DENND1B: variants seen among roughly 807,000 people sequenced by gnomAD.
DENND1B encodes DENN domain-containing protein 1B.
DENND1B carries 59 observed loss-of-function variants against 90.1 expected under a neutral mutation model. The ratio of observed to expected loss-of-function variants is 0.65; its 90% CI spans 0.53 to 0.81. The LOEUF (loss-of-function observed/expected upper bound fraction) is 0.81, where lower values mean the gene tolerates loss of function less well. Ranked by LOEUF, DENND1B falls within the 40% of genes least tolerant of loss-of-function variation. The pLI is 0.00. For missense variants in DENND1B, 862 were observed against 912.6 expected (o/e 0.94, Z 0.71); for synonymous variants, 337 against 324.6 (o/e 1.04, Z -0.41).
rs536732558 is a variant in DENND1B at position 197,551,304 on chromosome 1, T to G, written c.1240+1718A>C. On this transcript the variant is annotated intron_variant, in intron 16 of 22. Coordinates refer to ENST00000620048, the MANE Select transcript of DENND1B (RefSeq NM_001195215.2). ...TGACAGGCACAAATTTCTAACGGACTTTCTTGCTGTACTCACTGGAATTAA... is the reference window on the plus strand; with the variant it reads ...TGACAGGCACAAATTTCTAACGGACGTTCTTGCTGTACTCACTGGAATTAA... 2.0e-5 allele frequency among the ~76,000 whole-genome samples: 3 copies of G among 152,252 alleles called. No individual in the cohort carries two copies. The East Asian group carries it at 5.8e-4, about 29-fold the overall frequency.
intron 14 of DENND1B, among the ~76,000 whole-genome samples, chr1:197,584,794 C>T (rs1434016389): frequency 6.6e-6 from 1 of 152,112 alleles, no homozygotes; most frequent in East Asian, 1.9e-4. Context: ...ACCTCAGCCT[C>T]CCAAGTAGCT....
At chr1:197,606,074 A>G (rs1161621838) in intron 13 of DENND1B, 1 of 151,092 alleles carries the variant, frequency 6.6e-6, no homozygotes, top group Non-Finnish European at 1.5e-5. Context: ...GTTTTTTTAA[A>G]AAGGAAGTTA....
rs1571931879 is a variant in DENND1B at position 197,574,619 on chromosome 1, A to G, written c.1149+8533T>C. ...TAAAGTTCATATGGAACCAAAAAAGAGCGCGCATTGCCAAGACAATCCTAA... is the reference window on the plus strand; with the variant it reads ...TAAAGTTCATATGGAACCAAAAAAGGGCGCGCATTGCCAAGACAATCCTAA... On this transcript the variant is annotated intron_variant, in intron 15 of 22. Transcript: ENST00000620048. Among the ~76,000 whole-genome samples the G allele has an allele frequency of 2.0e-5, 3 of 152,340 alleles. No homozygotes were observed. The South Asian group carries it at 6.2e-4, about 32-fold the overall frequency.
At chr1:197,690,568 TG>T in intron 3 of DENND1B, 1 of 234,192 alleles carries the variant, frequency 4.3e-6, no homozygotes, top group South Asian at 7.2e-5. Context: ...TTCAAAGCAG[TG>T]GACAAGAGGG....
At chr1:197,753,107 GA>G (rs144392467) in intron 2 of DENND1B, among the ~76,000 whole-genome samples, 2,653 of 151,916 alleles carry the variant, frequency 0.017, 94 homozygotes, top group African/African-American at 0.059. Context: ...TCTGAATAAA[GA>G]ACATAAAACA....
At chr1:197,591,107 G>T (rs1675162010) in intron 14 of DENND1B, among the ~76,000 whole-genome samples, 1 of 152,070 alleles carries the variant, frequency 6.6e-6, no homozygotes, top group Non-Finnish European at 1.5e-5. Flanking sequence ...CATGGTGAAA[G>T]ACATGAAAAA....
intron 2 of DENND1B, among the ~76,000 whole-genome samples, chr1:197,754,898 C>A (rs762012268): frequency 6.6e-6 from 1 of 152,032 alleles, no homozygotes; most frequent in Non-Finnish European, 1.5e-5. Context: ...TTAGTCTCTT[C>A]ATGTTATTTT....
rs1316654146 is a variant in DENND1B, at chr1:197,734,981, CAGTGGATAAGTA to C, written c.83-19919_83-19908del. 1.2e-5 allele frequency: 12 copies of C among 985,238 alleles called. No individual in the cohort carries two copies. The African/African-American group carries it at 2.1e-4, about 17-fold the overall frequency. The allele number at this position is 985,238 out of a possible 1,614,324, so 61.0% of individuals were successfully genotyped here. On this transcript the variant is annotated intron_variant, in intron 2 of 22. Coordinates refer to ENST00000620048, the MANE Select transcript of DENND1B (RefSeq NM_001195215.2). The stretch of plus-strand genomic sequence containing the variant: ...TATTTAAATTAAAGACTCTGGAACA[CAGTGGATAAGTA>C]AGAACTGGCAGAAAATGTTAAATAT...
chr1:197,735,672 G>A, intron 2 of DENND1B: 1 of 1,614,046 alleles, frequency 6.2e-7, no homozygotes, highest in Non-Finnish European at 8.5e-7. Context: ...CCGGTACAAG[G>A]TCTACCCCGG....
chr1:197,599,844 G>A (rs1181332048), intron 13 of DENND1B, among the ~76,000 whole-genome samples: 5 of 151,820 alleles, frequency 3.3e-5, no homozygotes, highest in Admixed American at 2.0e-4. Flanking sequence ...AAATCCTAAC[G>A]AATATGGCAT....
chr1:197,627,983 T>G lies in DENND1B; in HGVS notation c.673-10224A>C, dbSNP rs1678937071. Among the ~76,000 whole-genome samples the G allele has an allele frequency of 3.3e-5, 5 of 152,102 alleles. No homozygotes were observed. In the South Asian group the frequency reaches 1.0e-3, roughly 32 times the overall value. On this transcript the variant is annotated intron_variant, in intron 10 of 22. Coordinates refer to ENST00000620048, the MANE Select transcript of DENND1B (RefSeq NM_001195215.2). The stretch of plus-strand genomic sequence containing the variant: ...CAACTTACAAGGGATGTGAAGGACC[T>G]CTTCAAGGAGAACTACAAAACACTG...
At chr1:197,596,114 A>T (rs1047275254) in intron 13 of DENND1B, among the ~76,000 whole-genome samples, 2 of 152,068 alleles carry the variant, frequency 1.3e-5, no homozygotes, top group African/African-American at 4.8e-5. Context: ...ACCGGTAATC[A>T]GATTAAAACA....
rs2102520105 is a variant in DENND1B, at chr1:197,773,063, A to G, written c.18-131T>C. ...TCACGTGACTGTATTACTACAGTAT[A>G]GTAGAAATAACAATGAAACTGTTTT... On this transcript the variant is annotated intron_variant, in intron 1 of 22. Transcript: ENST00000620048. 4.0e-6 allele frequency: 3 copies of G among 757,410 alleles called. No homozygotes were observed. The East Asian group carries it at 8.3e-5, about 21-fold the overall frequency. The allele number at this position is 757,410 out of a possible 1,614,324, so 46.9% of individuals were successfully genotyped here.
rs1667673373 is a variant in DENND1B, at chr1:197,505,178, T to C, written c.*5282A>G. ...TTAGGCACTGCTGTAAGTACTAAAC[T>C]ACAACAGACTCAAGAAATCCACTTT... On this transcript the variant is annotated 3_prime_UTR_variant, in exon 23 of 23. Coordinates refer to ENST00000620048, the MANE Select transcript of DENND1B (RefSeq NM_001195215.2). 1 of 151,794 alleles carries C rather than the reference T, an allele frequency of 6.6e-6. No homozygotes were observed. The highest frequency in any genetic ancestry group is 1.5e-5 in the Non-Finnish European group (1 of 67,832). 9.4% of individuals were successfully genotyped at this position (151,794 alleles called of 1,614,324 possible). A position where few individuals can be genotyped will look rare whatever the true frequency, so the allele number is the denominator to read the frequency against.
chr1:197,510,515 T>C lies in DENND1B; in HGVS notation c.2273A>G (p.Asp758Gly), dbSNP rs751324450. The C allele has an allele frequency of 1.9e-6, 3 of 1,611,898 alleles. No individual in the cohort carries two copies. Among genetic ancestry groups the C allele is most frequent in the South Asian group, 2.2e-5 (2 of 90,820 alleles). The change falls in exon 23 of 23, where the codon GAC (aspartate) becomes GGC (glycine). Residue 758 changes from aspartate to glycine, a missense_variant. Transcript: ENST00000620048. The stretch of plus-strand genomic sequence containing the variant: ...TGAAATGTTCAAGCTTTGTTGGAAG[T>C]CAGATGTCATATGACATAATGACAC... ...EVVSLCHMTS[D>G]FQQSLNISDK...
chr1:197,569,114 A>T (rs1672931376), intron 15 of DENND1B, among the ~76,000 whole-genome samples: 1 of 152,144 alleles, frequency 6.6e-6, no homozygotes, highest in Non-Finnish European at 1.5e-5. Context: ...AAAATGGGCA[A>T]AATATTTGGA....
intron 10 of DENND1B, among the ~76,000 whole-genome samples, chr1:197,625,742 C>T (rs1007306993): frequency 3.9e-5 from 6 of 151,968 alleles, no homozygotes; most frequent in Non-Finnish European, 8.8e-5. Context: ...GAGTCAAGAC[C>T]CATCAGTGTG....
chr1:197,692,017 T>C (rs1023586417), intron 3 of DENND1B, among the ~76,000 whole-genome samples: 7 of 151,934 alleles, frequency 4.6e-5, no homozygotes, highest in African/African-American at 1.7e-4. Flanking sequence ...TTATATAACA[T>C]GAATAAGTTC....
chr1:197,592,309 T>C (rs1325676278), intron 14 of DENND1B, among the ~76,000 whole-genome samples: 3 of 152,132 alleles, frequency 2.0e-5, no homozygotes, highest in African/African-American at 7.2e-5. Flanking sequence ...GAGTAATATT[T>C]TGAAGGCTTG....
Sources: allele counts gnomAD v4.1 joint callset (sites outside exome capture counted in the v4.1 genomes callset), GRCh38; gene constraint gnomAD v4.1.1; transcripts MANE v1.5; gene names NCBI Gene and HGNC (gene_info 2026-07-23, HGNC 2026-07-21).